Variants in FCRL2 observed in about 807,000 individuals in gnomAD.
FCRL2 encodes the protein Fc receptor-like protein 2.
A neutral mutation model predicts 59.8 loss-of-function variants in FCRL2; 48 were observed. The observed-to-expected ratio is 0.80, with a 90% CI of 0.64 to 1.02. The LOEUF (loss-of-function observed/expected upper bound fraction) is 1.02, where lower values mean the gene tolerates loss of function less well. Ranked by LOEUF, FCRL2 falls within the 50% of genes least tolerant of loss-of-function variation. The pLI is 0.00. For synonymous variants in FCRL2, 251 were observed against 229.5 expected (o/e 1.09, Z -0.85); for missense variants, 658 against 597.3 (o/e 1.10, Z -1.06).
intron 7 of FCRL2, among the ~76,000 whole-genome samples, chr1:157,751,897 G>A (rs1409770580): frequency 6.6e-6 from 1 of 151,022 alleles, no homozygotes; most frequent in Non-Finnish European, 1.5e-5. Context: ...TCTCAACCGA[G>A]CAAACCTGGA....
At chr1:157,772,240 G>A (rs772875360) in intron 2 of FCRL2, among the ~76,000 whole-genome samples, 9 of 152,100 alleles carry the variant, frequency 5.9e-5, no homozygotes, top group Non-Finnish European at 1.2e-4. Flanking sequence ...CTGGGGATAG[G>A]AAGACGAGTC....
chr1:157,769,715 C>G (rs1352311279), intron 4 of FCRL2, 151 bp downstream of exon 4: 2 of 862,760 alleles, frequency 2.3e-6, no homozygotes, highest in African/African-American at 3.4e-5. Context: ...GCGTGAGCCA[C>G]CGCGCCCGGC....
At chr1:157,762,993 T>C (rs1366087737) in intron 7 of FCRL2, among the ~76,000 whole-genome samples, 4 of 152,178 alleles carry the variant, frequency 2.6e-5, no homozygotes, top group Admixed American at 6.5e-5. Flanking sequence ...TGAAAATGCA[T>C]AGGTAAAGCC....
At chr1:157,747,174 C>T (rs995779628) in intron 10 of FCRL2, among the ~76,000 whole-genome samples, 1 of 152,198 alleles carries the variant, frequency 6.6e-6, no homozygotes, top group Non-Finnish European at 1.5e-5. Flanking sequence ...TTCCTCTTGA[C>T]TTCTCTGTTG....
At chr1:157,756,616 C>T (rs2101691081) in intron 7 of FCRL2, among the ~76,000 whole-genome samples, 1 of 151,504 alleles carries the variant, frequency 6.6e-6, no homozygotes, top group Non-Finnish European at 1.5e-5. Flanking sequence ...GACATCAAGC[C>T]CGCAGTGAGC....
intron 10 of FCRL2, among the ~76,000 whole-genome samples, chr1:157,748,161 G>A (rs1043179562): frequency 6.6e-6 from 1 of 152,094 alleles, no homozygotes; most frequent in African/African-American, 2.4e-5. Flanking sequence ...GCTCACACCT[G>A]TAATCCCAGC....
rs1229597824 is a variant in FCRL2 at position 157,747,006 on chromosome 1, C to A, written c.1460-107G>T. On this transcript the variant is annotated intron_variant, in intron 10 of 11. Transcript: ENST00000361516. ...AACTACTATGCTTAGTATGTGGAAT[C>A]CCATTTTCTCCTGTTCTGTAAAATC... 1.2e-5 allele frequency: 14 copies of A among 1,141,390 alleles called. No homozygotes were observed. The East Asian group carries it at 3.3e-4, about 27-fold the overall frequency. 70.7% of individuals were successfully genotyped at this position (1,141,390 alleles called of 1,614,324 possible). A position where few individuals can be genotyped will look rare whatever the true frequency, so the allele number is the denominator to read the frequency against.
intron 7 of FCRL2, among the ~76,000 whole-genome samples, chr1:157,763,443 T>C (rs1286774738): frequency 6.6e-6 from 1 of 151,952 alleles, no homozygotes; most frequent in Non-Finnish European, 1.5e-5. Flanking sequence ...GAGAATCTCT[T>C]GAACCCGAGA....
At chr1:157,749,570 A>G in intron 8 of FCRL2, 80 bp downstream of exon 8, 1 of 969,846 alleles carries the variant, frequency 1.0e-6, no homozygotes, top group Non-Finnish European at 1.6e-6. Context: ...GTCTCAACGT[A>G]CAAGCAGAGT....
intron 6 of FCRL2, 73 bp from the exon 7 acceptor site, chr1:157,767,044 A>G: frequency 7.2e-7 from 1 of 1,394,724 alleles, no homozygotes. Flanking sequence ...CTATATAGGG[A>G]TGTTAAATAC....
At chr1:157,758,064 C>A (rs74119541) in intron 7 of FCRL2, among the ~76,000 whole-genome samples, 1 of 152,188 alleles carries the variant, frequency 6.6e-6, no homozygotes, top group Non-Finnish European at 1.5e-5. Context: ...ACTGTCTTCA[C>A]GGGAAAGAAC....
At chr1:157,753,934 C>G (rs1022372276) in intron 7 of FCRL2, among the ~76,000 whole-genome samples, 1 of 151,934 alleles carries the variant, frequency 6.6e-6, no homozygotes, top group African/African-American at 2.4e-5. Context: ...CTTCTTATAT[C>G]ACAATACCAT....
intron 7 of FCRL2, 130 bp downstream of exon 7, chr1:157,766,725 A>T: frequency 6.8e-7 from 1 of 1,463,518 alleles, no homozygotes; most frequent in Non-Finnish European, 9.2e-7. Context: ...TTGCAGAATT[A>T]TGAAGCATAA....
chr1:157,776,379 C>T (rs1650414812), intron 1 of FCRL2, among the ~76,000 whole-genome samples: 1 of 152,158 alleles, frequency 6.6e-6, no homozygotes, highest in Admixed American at 6.5e-5. Context: ...AAGCAATTCT[C>T]CTGCCTCAGC....
At chr1:157,773,576 C>T (rs1318867221) in intron 2 of FCRL2, among the ~76,000 whole-genome samples, 1 of 152,058 alleles carries the variant, frequency 6.6e-6, no homozygotes, top group East Asian at 1.9e-4. Flanking sequence ...ATCAGGGAAC[C>T]CCAAAGAGTC....
At position 157,770,473 on chromosome 1, in the gene FCRL2, A is replaced by G. The variant is rs1373871670; in HGVS notation, c.246T>C (p.Cys82=). The G allele has an allele frequency of 1.2e-6, 2 of 1,613,994 alleles. No homozygotes were observed. Among genetic ancestry groups the G allele is most frequent in the East Asian group, 2.2e-5 (1 of 44,890 alleles). The change falls in exon 3 of 12, where the codon TGT becomes TGC. Residue 82 remains cysteine, a synonymous_variant. Transcript: ENST00000361516. ...AGAGAAAGAGTTGTCCTTTGGTACT[A>G]CAGAAATAGTTACCACTGTCACTTA... ...AVLSDSGNYF[C]STKGQLFLWD...
intron 7 of FCRL2, among the ~76,000 whole-genome samples, chr1:157,759,140 T>G (rs1648829676): frequency 6.6e-6 from 1 of 152,064 alleles, no homozygotes; most frequent in Non-Finnish European, 1.5e-5. Context: ...GATCTGATGG[T>G]TTTTTTCCCA....
intron 7 of FCRL2, among the ~76,000 whole-genome samples, chr1:157,760,418 T>C (rs1648930719): frequency 6.6e-6 from 1 of 150,834 alleles, no homozygotes. Flanking sequence ...AGGCTAGGAG[T>C]TCAAGACTAG....
At chr1:157,760,756 A>AAAGAAAGAAAGG (rs1649024147) in intron 7 of FCRL2, among the ~76,000 whole-genome samples, 2 of 131,994 alleles carry the variant, frequency 1.5e-5, no homozygotes, top group Non-Finnish European at 3.3e-5. Context: ...AGAAAGAAAG[A>AAAGAAAGAAAGG]AGAAAGAATG....
Sources: allele counts gnomAD v4.1 joint callset (sites outside exome capture counted in the v4.1 genomes callset), GRCh38; gene constraint gnomAD v4.1.1; transcripts MANE v1.5; gene names NCBI Gene and HGNC (gene_info 2026-07-23, HGNC 2026-07-21).